SYNE2: variants seen among roughly 807,000 people sequenced by gnomAD.
SYNE2 encodes spectrin repeat containing nuclear envelope protein 2, also known as nesprin-2.
In SYNE2, 431 loss-of-function variants were observed where a neutral mutation model predicts 856.3. The ratio of observed to expected loss-of-function variants is 0.50; its 90% CI spans 0.47 to 0.55. The LOEUF is 0.55. Among genes scored for constraint, SYNE2 ranks in the 20% least tolerant of loss-of-function variants. The pLI, the probability that SYNE2 is intolerant of heterozygous loss-of-function variation, is 0.00. For missense variants in SYNE2, 8,129 were observed against 8,023.2 expected (o/e 1.01, Z -0.50); for synonymous variants, 2,923 against 2,872.3 (o/e 1.02, Z -0.56).
chr14:63,866,755 C>T (rs1230242971), intron 1 of SYNE2, among the ~76,000 whole-genome samples: 1 of 151,932 alleles, frequency 6.6e-6, no homozygotes, highest in Non-Finnish European at 1.5e-5. Flanking sequence ...GAGAATCACT[C>T]GAGCCCAGGA....
chr14:63,879,776 A>G (rs969263627), intron 1 of SYNE2, among the ~76,000 whole-genome samples: 2 of 152,268 alleles, frequency 1.3e-5, no homozygotes, highest in African/African-American at 2.4e-5. Flanking sequence ...TTTTACAAAT[A>G]CCGCAAGATT....
intron 83 of SYNE2, among the ~76,000 whole-genome samples, chr14:64,145,460 A>G (rs577354230): frequency 5.0e-4 from 74 of 148,814 alleles, no homozygotes; most frequent in African/African-American, 1.8e-3. Context: ...GTGAGCCGAG[A>G]TTGCACCATT....
At chr14:63,765,993 A>C (rs573042907) in intron 1 of SYNE2, among the ~76,000 whole-genome samples, 1 of 152,256 alleles carries the variant, frequency 6.6e-6, no homozygotes, top group South Asian at 2.1e-4. Flanking sequence ...TGACAGAGCA[A>C]GACCCTGTCT....
intron 57 of SYNE2, chr14:64,084,637 G>A (rs2097546635): frequency 7.5e-6 from 2 of 265,720 alleles, no homozygotes; most frequent in Non-Finnish European, 1.4e-5. Flanking sequence ...TTGGAAATGA[G>A]TAGTTTGTTT....
chr14:63,961,622 T>C lies in SYNE2; in HGVS notation c.885T>C (p.Ala295=). ...ATGCCCCTGGGACTGGAGAGGAGGC[T>C]CAGGTATGTTTTCATATGCATAAAT... ...SKDAPGTGEE[A]QGKVKDAMGW... is the part of the protein sequence containing the mutation. Residue 295 remains alanine, a synonymous_variant, in exon 9 of 116, where the codon GCT becomes GCC. Coordinates refer to ENST00000555002, the MANE Select transcript of SYNE2 (RefSeq NM_182914.3). The C allele has an allele frequency of 6.2e-7, 1 of 1,609,540 alleles. No individual in the cohort carries two copies. Among genetic ancestry groups the C allele is most frequent in the Non-Finnish European group, 8.5e-7 (1 of 1,175,876 alleles).
chr14:63,771,139 G>A (rs915357871), intron 1 of SYNE2, among the ~76,000 whole-genome samples: 3 of 142,186 alleles, frequency 2.1e-5, no homozygotes, highest in Admixed American at 7.8e-5. Context: ...GCGCAATCTC[G>A]GCTCACTGCA....
In SYNE2 at chr14:64,219,548, T is replaced by C; in HGVS notation, c.19860+138T>C. ...TGTATGTAGAGGTCACTCTCTTCCATTTCAGTTCCATAGTTGGCAAGGACA... is the reference window on the plus strand; with the variant it reads ...TGTATGTAGAGGTCACTCTCTTCCACTTCAGTTCCATAGTTGGCAAGGACA... On this transcript the variant is annotated intron_variant, in intron 110 of 115. Transcript: ENST00000555002. 3 of 857,922 alleles carry C rather than the reference T, an allele frequency of 3.5e-6. No individual in the cohort carries two copies. In the South Asian group the frequency reaches 4.4e-5, roughly 13 times the overall value. 53.1% of individuals were successfully genotyped at this position (857,922 alleles called of 1,614,324 possible).
intron 1 of SYNE2, among the ~76,000 whole-genome samples, chr14:63,792,132 G>A (rs753870886): frequency 2.0e-5 from 3 of 152,026 alleles, no homozygotes; most frequent in Non-Finnish European, 4.4e-5. Flanking sequence ...TACATTAAAT[G>A]TACATGAATT....
rs373978139 is a variant in SYNE2, at chr14:64,113,514, G to A, written c.12783G>A (p.Pro4261=). The A allele has an allele frequency of 3.2e-5, 52 of 1,613,764 alleles. No individual in the cohort carries two copies. The highest frequency in any genetic ancestry group is 4.0e-5 in the Non-Finnish European group (47 of 1,179,858). ...AACAAGCCAACGTGGCAGTTGAGCC[G>A]GAAACATTAAACGCAGACATGCAGC... ...WLQQANVAVE[P]ETLNADMQQV... Residue 4261 remains proline (P), a synonymous_variant, in exon 66 of 116, where the codon CCG becomes CCA. Coordinates refer to ENST00000555002, the MANE Select transcript of SYNE2 (RefSeq NM_182914.3).
intron 100 of SYNE2, among the ~76,000 whole-genome samples, chr14:64,208,433 A>G (rs2098619995): frequency 1.3e-5 from 2 of 152,212 alleles, no homozygotes; most frequent in Admixed American, 6.5e-5. Context: ...GCATACCCGA[A>G]GTCTGTGGGG....
At chr14:63,762,590 TCTTTC>T (rs1168518967) in intron 1 of SYNE2, among the ~76,000 whole-genome samples, 4 of 49,616 alleles carry the variant, frequency 8.1e-5, no homozygotes, top group Non-Finnish European at 1.4e-4. Context: ...GATAATTTTT[TCTTTC>T]TTTTTTTTTT....
chr14:64,173,564 A>G (rs967750453), intron 94 of SYNE2, among the ~76,000 whole-genome samples: 1 of 152,182 alleles, frequency 6.6e-6, no homozygotes, highest in Non-Finnish European at 1.5e-5. Flanking sequence ...TGTCTCCTTC[A>G]AGAAATTTCA....
At chr14:64,123,363 C>T (rs1024439995) in intron 70 of SYNE2, among the ~76,000 whole-genome samples, 1 of 152,210 alleles carries the variant, frequency 6.6e-6, no homozygotes, top group East Asian at 1.9e-4. Flanking sequence ...CTTCTGCCTT[C>T]CACCACATAC....
Position 64,126,757 on chromosome 14 carries a change from T to C in SYNE2, c.13867T>C (p.Cys4623Arg). 6.2e-7 allele frequency: 1 copy of C among 1,614,116 alleles called. No homozygotes were observed. Among genetic ancestry groups the C allele is most frequent in the East Asian group, 2.2e-5 (1 of 44,890 alleles). Residue 4623 changes from cysteine (C) to arginine (R), a missense_variant, in exon 73 of 116, where the codon TGT (cysteine) becomes CGT (arginine). Transcript: ENST00000555002. Reference sequence around the variant, plus strand: ...GGAGCACACTCAGGCTGCAGCTGTCTGTAGAAGCAAGTCCCTGAAAGCTGG... The same window carrying C: ...GGAGCACACTCAGGCTGCAGCTGTCCGTAGAAGCAAGTCCCTGAAAGCTGG... ...CLEHTQAAAV[C>R]RSKSLKAGLD...
At chr14:64,167,747 A>G in intron 92 of SYNE2, 108 bp downstream of exon 92, 1 of 1,471,488 alleles carries the variant, frequency 6.8e-7, no homozygotes, top group East Asian at 2.3e-5. Context: ...CCCTAAACAC[A>G]GAATGTATAC....
intron 94 of SYNE2, among the ~76,000 whole-genome samples, chr14:64,173,618 A>C (rs1181949270): frequency 6.6e-6 from 1 of 152,022 alleles, no homozygotes. Context: ...TTATTTACTT[A>C]TTTTTTTAGA....
At chr14:63,901,336 GAACT>G (rs2067249167) in intron 1 of SYNE2, among the ~76,000 whole-genome samples, 2 of 152,136 alleles carry the variant, frequency 1.3e-5, no homozygotes, top group South Asian at 4.1e-4. Flanking sequence ...AACTGAACCT[GAACT>G]AATAATACCT....
At chr14:63,787,786 A>C (rs1887593398) in intron 1 of SYNE2, among the ~76,000 whole-genome samples, 1 of 152,172 alleles carries the variant, frequency 6.6e-6, no homozygotes, top group Admixed American at 6.5e-5. Context: ...AAAAGGCACC[A>C]CAAGTGCCCA....
chr14:63,877,875 C>T (rs1835945953), intron 1 of SYNE2, among the ~76,000 whole-genome samples: 2 of 147,954 alleles, frequency 1.4e-5, no homozygotes, highest in African/African-American at 5.0e-5. Context: ...ATTAGCTACA[C>T]TTTTTTTTTT....
Sources: gnomAD v4.1 joint callset for allele counts (sites outside exome capture counted in the v4.1 genomes callset) on GRCh38, gnomAD v4.1.1 for gene constraint, MANE v1.5 for transcripts, NCBI Gene and HGNC (gene_info 2026-07-23, HGNC 2026-07-21) for gene names.